The following SETBP1 variants were observed in gnomAD, a reference collection of about 807,000 sequenced individuals.
SETBP1 encodes the protein SET-binding protein.
SETBP1 carries 9 observed loss-of-function variants against 101.0 expected under a neutral mutation model. The observed-to-expected ratio is 0.09, with a 90% CI of 0.05 to 0.16. The LOEUF (loss-of-function observed/expected upper bound fraction) is 0.16. Ranked by LOEUF, SETBP1 falls within the 10% of genes least tolerant of loss-of-function variation. SETBP1 has a pLI of 1.00. For missense variants in SETBP1, 1,858 were observed against 2,033.8 expected (o/e 0.91, Z 1.66); for synonymous variants, 818 against 788.5 (o/e 1.04, Z -0.63).
intron 4 of SETBP1, among the ~76,000 whole-genome samples, chr18:44,978,826 G>C (rs755652078): frequency 3.9e-5 from 6 of 152,120 alleles, no homozygotes; most frequent in Non-Finnish European, 7.4e-5. Context: ...AGTTTTAAAA[G>C]CTACAGGACG....
chr18:44,792,411 T>A (rs1384330176), intron 2 of SETBP1, among the ~76,000 whole-genome samples: 1 of 152,220 alleles, frequency 6.6e-6, no homozygotes, highest in Non-Finnish European at 1.5e-5. Flanking sequence ...TAAACGTGTC[T>A]GTTGCCTGCC....
chr18:44,894,858 C>T, intron 3 of SETBP1, among the ~76,000 whole-genome samples: 1 of 151,110 alleles, frequency 6.6e-6, no homozygotes, highest in Non-Finnish European at 1.5e-5. Flanking sequence ...AGGCTGGGCA[C>T]CGTGGCTGCT....
intron 2 of SETBP1, among the ~76,000 whole-genome samples, chr18:44,712,240 G>C (rs959673035): frequency 1.3e-5 from 2 of 152,192 alleles, no homozygotes; most frequent in African/African-American, 4.8e-5. Context: ...TTTCACAGTG[G>C]GGGATAGGAG....
intron 2 of SETBP1, among the ~76,000 whole-genome samples, chr18:44,787,860 CAAAA>C (rs11399627): frequency 0.011 from 105 of 9,218 alleles, 11 homozygotes; most frequent in Non-Finnish European, 0.018. Context: ...GAGTCCGTCT[CAAAA>C]AAAAAAAAAA....
chr18:44,908,561 TC>T (rs1423901069), intron 3 of SETBP1, among the ~76,000 whole-genome samples: 3 of 152,238 alleles, frequency 2.0e-5, no homozygotes, highest in Admixed American at 1.3e-4. Flanking sequence ...ATATGTCTTT[TC>T]TTATGCCAGT....
At chr18:44,768,267 C>G (rs1401050149) in intron 2 of SETBP1, among the ~76,000 whole-genome samples, 1 of 152,290 alleles carries the variant, frequency 6.6e-6, no homozygotes, top group East Asian at 1.9e-4. Context: ...CATACAAGCT[C>G]TGCTTTTCAT....
intron 4 of SETBP1, among the ~76,000 whole-genome samples, chr18:44,992,328 CTGAT>C (rs1568014712): frequency 6.6e-6 from 1 of 151,814 alleles, no homozygotes; most frequent in Non-Finnish European, 1.5e-5. Context: ...TTTTTAAAGA[CTGAT>C]TGATTTTTAA....
rs760272907 is a variant in SETBP1 at position 44,952,551 on chromosome 18, G to A, written c.3211G>A (p.Ala1071Thr). Residue 1071 changes from alanine (A) to threonine (T), a missense_variant, in exon 4 of 6, where the codon GCT (alanine) becomes ACT (threonine). Ala to Thr is a moderately conservative substitution (Grantham distance 58). Around this residue, in one of 12 missense-constraint regions of SETBP1, gnomAD observed 255 missense variants for 300.1 expected, o/e 0.85. Coordinates refer to ENST00000649279, the MANE Select transcript of SETBP1 (RefSeq NM_015559.3). ...CCTTGGTTATTACGGTCAGTACCCA[G>A]CTCCTTTGTACCTATCGCACACGCT... Reference protein sequence around the residue: ...MNLGYYGQYPAPLYLSHTLGA... With the variant: ...MNLGYYGQYPTPLYLSHTLGA... The A allele has an allele frequency of 2.5e-6, 4 of 1,614,112 alleles. No homozygotes were observed. In the South Asian group the frequency reaches 3.3e-5, roughly 13 times the overall value.
chr18:44,706,591 C>CAAAAAAAAAAA lies in SETBP1; in HGVS notation c.486+4784_486+4794dup, dbSNP rs1018470585. On this transcript the variant is annotated intron_variant, in intron 2 of 5. Coordinates refer to ENST00000649279, the MANE Select transcript of SETBP1 (RefSeq NM_015559.3). ...TGGGTGACAGAATGAGACTCAATCTCAAAAAAAAAAAAAAAAAAAAAAAAA... is the reference window on the plus strand; with the variant it reads ...TGGGTGACAGAATGAGACTCAATCTCAAAAAAAAAAAAAAAAAAAAAAAAAAAAAAAAAAAA... Among the ~76,000 whole-genome samples, 20 of 16,972 alleles carry CAAAAAAAAAAA rather than the reference C, an allele frequency of 1.2e-3. 1 individual carries two copies. Among genetic ancestry groups the CAAAAAAAAAAA allele is most frequent in the African/African-American group, 1.9e-3 (8 of 4,228 alleles). 11.1% of individuals were successfully genotyped at this position (16,972 alleles called of 152,430 possible). A position where few individuals can be genotyped will look rare whatever the true frequency, so the allele number is the denominator to read the frequency against.
At chr18:44,932,734 G>A (rs931388208) in intron 3 of SETBP1, among the ~76,000 whole-genome samples, 3 of 151,762 alleles carry the variant, frequency 2.0e-5, no homozygotes, top group African/African-American at 7.3e-5. Flanking sequence ...TGATCAAATC[G>A]GCTACTGAAG....
chr18:44,903,185 A>G (rs764701542), intron 3 of SETBP1, among the ~76,000 whole-genome samples: 80 of 152,244 alleles, frequency 5.3e-4, no homozygotes, highest in Middle Eastern at 6.8e-3. Context: ...ATTTACTGAC[A>G]CTAAACACAC....
At chr18:44,991,112 C>T (rs1259667014) in intron 4 of SETBP1, among the ~76,000 whole-genome samples, 7 of 150,868 alleles carry the variant, frequency 4.6e-5, no homozygotes, top group African/African-American at 9.7e-5. Context: ...AGTGGTAGCA[C>T]GTGCCTTGTA....
chr18:44,760,768 CTGTT>C (rs758593269), intron 2 of SETBP1, among the ~76,000 whole-genome samples: 1 of 152,124 alleles, frequency 6.6e-6, no homozygotes, highest in Non-Finnish European at 1.5e-5. Flanking sequence ...GGTGTATATA[CTGTT>C]TTTTAACTCG....
chr18:44,778,662 A>G (rs1027861090), intron 2 of SETBP1, among the ~76,000 whole-genome samples: 1 of 152,226 alleles, frequency 6.6e-6, no homozygotes, highest in South Asian at 2.1e-4. Flanking sequence ...AGTACTCTTC[A>G]AAGATTCTAC....
intron 2 of SETBP1, among the ~76,000 whole-genome samples, chr18:44,703,892 T>C (rs898743467): frequency 1.3e-5 from 2 of 152,206 alleles, no homozygotes; most frequent in Admixed American, 6.5e-5. Context: ...TCTTAAGATA[T>C]GAAAATGAGT....
intron 2 of SETBP1, among the ~76,000 whole-genome samples, chr18:44,868,701 CGGAAGGAAGGGA>C (rs796343280): frequency 0.03 from 3,424 of 112,300 alleles, 281 homozygotes; most frequent in African/African-American, 0.068. Context: ...AGAGAGAGGA[CGGAAGGAAGGGA>C]GGAAGGAAGG....
intron 2 of SETBP1, among the ~76,000 whole-genome samples, chr18:44,712,784 T>A (rs1440717983): frequency 6.6e-6 from 1 of 151,914 alleles, no homozygotes; most frequent in African/African-American, 2.4e-5. Context: ...TTGAATTCAT[T>A]GAGGACACAG....
chr18:44,808,424 A>G (rs958454909), intron 2 of SETBP1, among the ~76,000 whole-genome samples: 8 of 152,222 alleles, frequency 5.3e-5, no homozygotes, highest in Admixed American at 2.6e-4. Flanking sequence ...ATTTGAAGCC[A>G]TCATTTCAGA....
At chr18:44,768,977 C>G (rs889936160) in intron 2 of SETBP1, among the ~76,000 whole-genome samples, 1 of 152,144 alleles carries the variant, frequency 6.6e-6, no homozygotes, top group African/African-American at 2.4e-5. Context: ...GTATAACATA[C>G]CTGCTTGTGG....
Sources: gnomAD v4.1 joint callset for allele counts (sites outside exome capture counted in the v4.1 genomes callset) on GRCh38, gnomAD v4.1.1 for gene constraint, gnomAD v4.1.1 regional missense constraint, MANE v1.5 for transcripts, NCBI Gene and HGNC (gene_info 2026-07-23, HGNC 2026-07-21) for gene names.